Variants in FANCA observed in about 807,000 individuals in gnomAD.
The protein encoded by FANCA is FA complementation group A, also known as Fanconi anemia group A protein.
In FANCA, 236 loss-of-function variants were observed where a neutral mutation model predicts 194.3. The ratio of observed to expected loss-of-function variants is 1.21; its 90% confidence interval spans 1.09 to 1.35. The LOEUF (loss-of-function observed/expected upper bound fraction) is 1.35. Among genes scored for constraint, FANCA ranks in the 40% most tolerant of loss-of-function variants. FANCA has a pLI of 0.00. For synonymous variants in FANCA, 1,014 were observed against 715.8 expected (o/e 1.42, Z -6.65); for missense variants, 2,628 against 1,813.9 (o/e 1.45, Z -8.15).
In FANCA at chr16:89,749,761, G is replaced by C. The variant is rs1598076628; in HGVS notation, c.3208C>G (p.Gln1070Glu). Residue 1070 changes from glutamine (Q) to glutamate (E), a missense_variant, in exon 32 of 43, where the codon CAG (glutamine) becomes GAG (glutamate). Transcript: ENST00000389301. The stretch of plus-strand genomic sequence containing the variant: ...TACATTAGCAGCTCCCTCTGTCTCT[G>C]AAGGCTGGCAGCCACGCTCCACCCG... ...TSGWSVAASLQRQRELLMYKR... is the reference protein window; with the variant it reads ...TSGWSVAASLERQRELLMYKR... The C allele has an allele frequency of 6.2e-7, 1 of 1,614,198 alleles. No individual in the cohort carries two copies. Among genetic ancestry groups the C allele is most frequent in the African/African-American group, 1.3e-5 (1 of 75,056 alleles).
intron 3 of FANCA, among the ~76,000 whole-genome samples, chr16:89,813,653 C>G (rs1003651229): frequency 8.5e-5 from 13 of 152,090 alleles, no homozygotes; most frequent in African/African-American, 3.1e-4. Flanking sequence ...AGGCTCGTCT[C>G]GAATCCTGAC....
chr16:89,737,823 T>C lies in FANCA; in HGVS notation c.*778A>G. On this transcript the variant is annotated 3_prime_UTR_variant, in exon 43 of 43. Transcript: ENST00000389301. ...CCTCTCAGAGGTGCGGAACTATATC[T>C]GTGACGAATGTGGACAAACCTTCAA... 2 of 1,614,158 alleles carry C rather than the reference T, an allele frequency of 1.2e-6. No individual in the cohort carries two copies. Among genetic ancestry groups the C allele is most frequent in the Non-Finnish European group, 8.5e-7 (1 of 1,180,028 alleles).
rs752311383 is a variant in FANCA, at chr16:89,799,222, G to T, written c.837C>A (p.Asp279Glu). 1.9e-6 allele frequency: 3 copies of T among 1,613,940 alleles called. No individual in the cohort carries two copies. Among genetic ancestry groups the T allele is most frequent in the Non-Finnish European group, 1.7e-6 (2 of 1,180,056 alleles). ...CCTCCTGTACTCCAGCAGCCAAAGC[G>T]TCAAGTGCAACTGAAGACAGAGCCA... ...VLQRMLIFALDALAAGVQEES... is the reference protein window; with the variant it reads ...VLQRMLIFALEALAAGVQEES... Residue 279 changes from aspartate (D) to glutamate (E), a missense_variant, in exon 10 of 43, where the codon GAC (aspartate) becomes GAA (glutamate). Transcript: ENST00000389301.
rs2062169862 is a variant in FANCA at position 89,742,827 on chromosome 16, T to C, written c.3738A>G (p.Leu1246=). 2 of 1,614,062 alleles carry C rather than the reference T, an allele frequency of 1.2e-6. No individual in the cohort carries two copies. The highest frequency in any genetic ancestry group is 1.3e-5 in the African/African-American group (1 of 74,944). ...CCTCTCTCTCGCAGTCCAGCTTCTT[T>C]AGCTGCTTCCTGATGTTTTCTTCCC... ...QVREENIRKQ[L]KKLDCEREEL... The change falls in exon 37 of 43, where the codon CTA becomes CTG. Residue 1246 remains leucine, a synonymous_variant. Transcript: ENST00000389301.
In FANCA at chr16:89,770,000, C is replaced by T. The variant is rs1246628258; in HGVS notation, c.2341G>A (p.Val781Met). 6.2e-7 allele frequency: 1 copy of T among 1,613,876 alleles called. No homozygotes were observed. Among genetic ancestry groups the T allele is most frequent in the Non-Finnish European group, 8.5e-7 (1 of 1,180,010 alleles). Residue 781 changes from valine to methionine, a missense_variant, in exon 26 of 43, where the codon GTG (valine) becomes ATG (methionine). By Grantham distance (21) the Val-to-Met change is conservative. Coordinates refer to ENST00000389301, the MANE Select transcript of FANCA (RefSeq NM_000135.4). ...HQGPSLSAPH[V>M]LGLAALAVHL... ...ACGGCCAGGGCAGCCAACCCCAGCA[C>T]ATGTGGGGCACTCAGGCTCGGGCCC...
chr16:89,774,045 G>A (rs17232903), intron 21 of FANCA, among the ~76,000 whole-genome samples: 7 of 152,018 alleles, frequency 4.6e-5, no homozygotes, highest in African/African-American at 1.2e-4. Context: ...CTGGGATTAC[G>A]GGCATGAGCC....
In FANCA at chr16:89,740,880, C is replaced by G. The variant is rs34476949; in HGVS notation, c.3766-14G>C. ...GAAAACCAATAGCTGTAAATAAAAACGTGCACTTATTATTACATTAAAATT... is the reference window on the plus strand; with the variant it reads ...GAAAACCAATAGCTGTAAATAAAAAGGTGCACTTATTATTACATTAAAATT... On this transcript the variant is annotated splice_polypyrimidine_tract_variant and intron_variant, in intron 37 of 42. Transcript: ENST00000389301. 1.2e-6 allele frequency: 2 copies of G among 1,605,854 alleles called. No individual in the cohort carries two copies. Among genetic ancestry groups the G allele is most frequent in the Admixed American group, 3.4e-5 (2 of 59,480 alleles).
intron 14 of FANCA, 158 bp downstream of exon 14, chr16:89,791,245 C>G (rs1042511416): frequency 2.0e-5 from 19 of 965,226 alleles, no homozygotes; most frequent in Non-Finnish European, 1.7e-5. Context: ...CCAGGCTCCT[C>G]GGCACACGCA....
At position 89,746,587 on chromosome 16, in the gene FANCA, A is replaced by G; in HGVS notation, c.3510T>C (p.Ala1170=). The G allele has an allele frequency of 6.2e-7, 1 of 1,613,738 alleles. No individual in the cohort carries two copies. Among genetic ancestry groups the G allele is most frequent in the Non-Finnish European group, 8.5e-7 (1 of 1,179,640 alleles). ...CCAAACAAGACAGCTGACCCACCAGAGCAGAGGTCAAAATTAAGGGGCATT... is the reference window on the plus strand; with the variant it reads ...CCAAACAAGACAGCTGACCCACCAGGGCAGAGGTCAAAATTAAGGGGCATT... The part of the protein sequence containing the change: ...QTKCPLILTS[A]LVWWPSLEPV... The change falls in exon 35 of 43, where the codon GCT becomes GCC. Residue 1170 remains alanine, a synonymous_variant. Transcript: ENST00000389301.
At position 89,769,953 on chromosome 16, in the gene FANCA, A is replaced by C; in HGVS notation, c.2388T>G (p.Ser796=). The C allele has an allele frequency of 6.2e-7, 1 of 1,614,050 alleles. No homozygotes were observed. The highest frequency in any genetic ancestry group is 8.5e-7 in the Non-Finnish European group (1 of 1,180,020). The change falls in exon 26 of 43, where the codon TCT becomes TCG. Residue 796 remains serine (S), a synonymous_variant. Transcript: ENST00000389301. ...GACCCACATCCACCTCTGGGAGCGCAGACCTGGACTCACCCAGGTGCACGG... is the reference window on the plus strand; with the variant it reads ...GACCCACATCCACCTCTGGGAGCGCCGACCTGGACTCACCCAGGTGCACGG... The part of the protein sequence containing the change: ...ALAVHLGESR[S]ALPEVDVGPP...
At chr16:89,753,952 G>A (rs1403749284) in intron 30 of FANCA, among the ~76,000 whole-genome samples, 3 of 152,240 alleles carry the variant, frequency 2.0e-5, no homozygotes, top group Admixed American at 6.5e-5. Flanking sequence ...CTATTGGGAG[G>A]CTGAGGCAGC....
rs1210543955 is a variant in FANCA at position 89,759,329 on chromosome 16, A to T, written c.2853-624T>A. On this transcript the variant is annotated intron_variant, in intron 29 of 42. Transcript: ENST00000389301. Reference sequence around the variant, plus strand: ...AGCGAGACTCCGTCTAAAAAAAAAAAAAAAAAAAAAAAAAAAAAAAGTAGC... The same window carrying T: ...AGCGAGACTCCGTCTAAAAAAAAAATAAAAAAAAAAAAAAAAAAAAGTAGC... Among the ~76,000 whole-genome samples the T allele has an allele frequency of 6.2e-4, 90 of 144,422 alleles. 1 individual carries two copies. The highest frequency in any genetic ancestry group is 2.2e-3 in the East Asian group (11 of 5,020). 94.7% of individuals were successfully genotyped at this position (144,422 alleles called of 152,430 possible). A position where few individuals can be genotyped will look rare whatever the true frequency, so the allele number is the denominator to read the frequency against.
At chr16:89,803,008 G>C (rs113729748) in intron 8 of FANCA, among the ~76,000 whole-genome samples, 5 of 152,276 alleles carry the variant, frequency 3.3e-5, no homozygotes, top group African/African-American at 1.2e-4. Context: ...GTTAACAACA[G>C]ATTGTATATT....
chr16:89,780,538 TGC>T (rs2039664326), intron 17 of FANCA, among the ~76,000 whole-genome samples: 1 of 151,548 alleles, frequency 6.6e-6, no homozygotes, highest in Non-Finnish European at 1.5e-5. Flanking sequence ...GTGGAAGGAT[TGC>T]CTGTGCCCAG....
chr16:89,752,334 G>C, intron 30 of FANCA, 112 bp from the exon 31 acceptor site: 2 of 875,494 alleles, frequency 2.3e-6, no homozygotes, highest in South Asian at 1.3e-5. Context: ...CTGACAGTGT[G>C]ACCCTCACAT....
At chr16:89,739,001 G>A in intron 41 of FANCA, 27 bp from the exon 42 acceptor site, 2 of 1,614,126 alleles carry the variant, frequency 1.2e-6, no homozygotes, top group South Asian at 1.1e-5. Context: ...CAAACTCACA[G>A]GTTAGAAGAC....
intron 30 of FANCA, among the ~76,000 whole-genome samples, chr16:89,752,660 A>C (rs2038636509): frequency 1.3e-5 from 2 of 152,232 alleles, no homozygotes; most frequent in Non-Finnish European, 2.9e-5. Flanking sequence ...GCCTAGGAAA[A>C]ACCAGGCCAT....
At chr16:89,747,037 G>A (rs17227177) in intron 33 of FANCA, 147 bp from the exon 34 acceptor site, 39 of 791,244 alleles carry the variant, frequency 4.9e-5, no homozygotes, top group African/African-American at 1.4e-4. Flanking sequence ...TGGGCTGACC[G>A]GGCCTGGCGC....
chr16:89,775,391 G>C (rs1320741908), intron 21 of FANCA, among the ~76,000 whole-genome samples: 2 of 152,216 alleles, frequency 1.3e-5, no homozygotes, highest in African/African-American at 2.4e-5. Flanking sequence ...ACAGGCTCGA[G>C]CCAGCGCTGT....
Sources: allele counts gnomAD v4.1 joint callset (sites outside exome capture counted in the v4.1 genomes callset), GRCh38; gene constraint gnomAD v4.1.1; transcripts MANE v1.5; gene names NCBI Gene and HGNC (gene_info 2026-07-23, HGNC 2026-07-21).